TMEM164: variants seen among roughly 807,000 people sequenced by gnomAD.
The protein encoded by TMEM164 is transmembrane protein 164.
In TMEM164, 4 loss-of-function variants were observed where a neutral mutation model predicts 18.8. The ratio of observed to expected loss-of-function variants is 0.21; its 90% CI spans 0.10 to 0.49. TMEM164 has a LOEUF of 0.49. Ranked by LOEUF, TMEM164 falls within the 20% of genes least tolerant of loss-of-function variation. TMEM164 has a pLI of 0.98. For synonymous variants in TMEM164, 86 were observed against 101.7 expected, an observed-to-expected ratio of 0.85 and a Z score of 0.93; for missense variants, 108 against 239.9, an observed-to-expected ratio of 0.45 and a Z score of 3.63.
At chrX:110,047,155 T>C (rs1056662885) in intron 2 of TMEM164, among the ~76,000 whole-genome samples, 1 of 112,044 alleles carries the variant, frequency 8.9e-6, no homozygotes, top group African/African-American at 3.2e-5. Flanking sequence ...TCACTCACTA[T>C]TTGTAGAGCA....
chrX:110,056,083 A>T (rs1309975074), intron 2 of TMEM164, among the ~76,000 whole-genome samples: 2 of 111,513 alleles, frequency 1.8e-5, no homozygotes, highest in Non-Finnish European at 3.8e-5. Flanking sequence ...TGTTTTTAGT[A>T]TATTCACATA....
intron 4 of TMEM164, among the ~76,000 whole-genome samples, chrX:110,120,644 A>G (rs766726184): frequency 9.0e-6 from 1 of 111,642 alleles, no homozygotes; most frequent in East Asian, 2.8e-4. Flanking sequence ...GAAAATATAC[A>G]ATACATTATT....
chrX:110,094,914 A>G (rs888889613), intron 3 of TMEM164, among the ~76,000 whole-genome samples: 36 of 111,175 alleles, frequency 3.2e-4, no homozygotes, highest in Non-Finnish European at 5.3e-4. Flanking sequence ...TCTGTAAAGG[A>G]TTTTATTTCT....
At chrX:110,086,688 G>A (rs114538104) in intron 3 of TMEM164, among the ~76,000 whole-genome samples, 80 of 106,851 alleles carry the variant, frequency 7.5e-4, no homozygotes, top group Middle Eastern at 9.6e-3. Flanking sequence ...GTGTGTGTGT[G>A]TATATATATA....
At chrX:110,144,244 T>C (rs1425020357) in intron 4 of TMEM164, among the ~76,000 whole-genome samples, 2 of 111,808 alleles carry the variant, frequency 1.8e-5, no homozygotes, top group Non-Finnish European at 3.8e-5. Context: ...TTTTTTCTCA[T>C]CTGGAATATG....
intron 2 of TMEM164, among the ~76,000 whole-genome samples, chrX:110,056,158 G>T (rs567017364): frequency 2.7e-5 from 3 of 110,500 alleles, no homozygotes; most frequent in Non-Finnish European, 5.7e-5. Context: ...AACTCCATAC[G>T]ATTTAGCTCA....
intron 3 of TMEM164, among the ~76,000 whole-genome samples, chrX:110,086,401 A>G (rs2065851907): frequency 9.0e-6 from 1 of 111,303 alleles, no homozygotes; most frequent in Non-Finnish European, 1.9e-5. Context: ...GCATGAAAGC[A>G]TCACAGAAAA....
At chrX:110,038,709 A>G (rs1335862221) in intron 2 of TMEM164, among the ~76,000 whole-genome samples, 1 of 109,187 alleles carries the variant, frequency 9.2e-6, no homozygotes, top group Non-Finnish European at 1.9e-5. Flanking sequence ...TTACCCCACC[A>G]TACCTCACCT....
chrX:110,017,494 C>CTTTCTTT (rs1414746277), intron 2 of TMEM164, among the ~76,000 whole-genome samples: 6 of 2,351 alleles, frequency 2.6e-3, no homozygotes, highest in Non-Finnish European at 0.012. Context: ...CTCCCTCCCT[C>CTTTCTTT]CCTCCCTCCC....
intron 4 of TMEM164, among the ~76,000 whole-genome samples, chrX:110,139,149 G>T (rs2066733218): frequency 8.9e-6 from 1 of 112,460 alleles, no homozygotes; most frequent in Admixed American, 9.4e-5. Flanking sequence ...AGGTATTTTA[G>T]CATGTTTGTT....
intron 2 of TMEM164, among the ~76,000 whole-genome samples, chrX:110,034,644 T>C (rs946818314): frequency 9.0e-6 from 1 of 111,036 alleles, no homozygotes; most frequent in African/African-American, 3.3e-5. Context: ...AGTTCAACCA[T>C]TGTGGAAGTC....
chrX:110,093,318 C>T (rs1449194217), intron 3 of TMEM164, among the ~76,000 whole-genome samples: 1 of 111,711 alleles, frequency 9.0e-6, no homozygotes, highest in African/African-American at 3.3e-5. Flanking sequence ...TCATCTGGCC[C>T]TGGACTTTTT....
At chrX:110,170,367 C>G (rs1172867599) in intron 5 of TMEM164, among the ~76,000 whole-genome samples, 1 of 113,029 alleles carries the variant, frequency 8.8e-6, no homozygotes, top group Non-Finnish European at 1.9e-5. Context: ...AACCTGCCTT[C>G]TTTATCTTCC....
chrX:110,072,854 A>G (rs1409946313), intron 3 of TMEM164, among the ~76,000 whole-genome samples: 1 of 103,761 alleles, frequency 9.6e-6, no homozygotes, highest in Non-Finnish European at 2.0e-5. Flanking sequence ...TTTTTCTTCT[A>G]GATCCAAGGG....
intron 5 of TMEM164, among the ~76,000 whole-genome samples, chrX:110,152,405 T>A (rs987656219): frequency 8.1e-5 from 9 of 111,200 alleles, no homozygotes; most frequent in Non-Finnish European, 1.5e-4. Flanking sequence ...GAATTTAGAG[T>A]CATGGTTAGA....
intron 2 of TMEM164, among the ~76,000 whole-genome samples, chrX:110,041,374 T>C (rs1405903208): frequency 1.8e-5 from 2 of 111,809 alleles, no homozygotes; most frequent in Admixed American, 1.9e-4. Flanking sequence ...GACATTCCAG[T>C]ACTTTTTTTG....
intron 4 of TMEM164, among the ~76,000 whole-genome samples, chrX:110,124,192 C>CAGGA (rs1180897717): frequency 3.3e-5 from 3 of 90,698 alleles, no homozygotes; most frequent in Non-Finnish European, 4.4e-5. Flanking sequence ...GGAAGGCAGG[C>CAGGA]AGGCAGGCAG....
At chrX:110,033,462 G>A (rs1020627791) in intron 2 of TMEM164, among the ~76,000 whole-genome samples, 1 of 112,103 alleles carries the variant, frequency 8.9e-6, no homozygotes, top group African/African-American at 3.2e-5. Flanking sequence ...CTTTGGCTGT[G>A]TTCATGCCTG....
intron 5 of TMEM164, among the ~76,000 whole-genome samples, chrX:110,152,079 C>T (rs1168997628): frequency 2.3e-5 from 2 of 85,492 alleles, no homozygotes; most frequent in Non-Finnish European, 4.3e-5. Flanking sequence ...TTGTCTGAGA[C>T]GTAGTCTCAC....
Sources: allele counts gnomAD v4.1 joint callset (sites outside exome capture counted in the v4.1 genomes callset), GRCh38; gene constraint gnomAD v4.1.1; transcripts MANE v1.5; gene names NCBI Gene and HGNC (gene_info 2026-07-23, HGNC 2026-07-21).